KHDRBS2: variants seen among roughly 807,000 people sequenced by gnomAD.
KHDRBS2 encodes KH RNA binding domain containing, signal transduction associated 2, also known as KH domain-containing, RNA-binding, signal transduction-associated protein 2.
Under a neutral mutation model 44.3 loss-of-function variants are expected in KHDRBS2, and 26 were observed. That is an observed-to-expected ratio of 0.59 (90% CI 0.43 to 0.81). The LOEUF (loss-of-function observed/expected upper bound fraction) is 0.81, where lower values mean the gene tolerates loss of function less well. KHDRBS2 is among the 40% of genes least tolerant of loss of function. The pLI is 0.00. For missense variants in KHDRBS2, 476 were observed against 433.1 expected (o/e 1.10, Z -0.88); for synonymous variants, 194 against 151.1 (o/e 1.28, Z -2.08).
At chr6:62,255,941 G>A (rs570322783) in intron 1 of KHDRBS2, among the ~76,000 whole-genome samples, 20 of 151,828 alleles carry the variant, frequency 1.3e-4, no homozygotes, top group African/African-American at 4.8e-4. Flanking sequence ...ACACCAGCCT[G>A]GCCAACATGA....
intron 2 of KHDRBS2, among the ~76,000 whole-genome samples, chr6:62,156,076 A>C (rs1005457966): frequency 6.6e-6 from 1 of 152,178 alleles, no homozygotes; most frequent in Non-Finnish European, 1.5e-5. Context: ...TACATTTTCC[A>C]GGGTGTAGTC....
intron 4 of KHDRBS2, among the ~76,000 whole-genome samples, chr6:61,912,377 T>C (rs1178890894): frequency 6.6e-6 from 1 of 152,200 alleles, no homozygotes; most frequent in Non-Finnish European, 1.5e-5. Flanking sequence ...CTTGCTTCCA[T>C]TGGTTCTGCC....
chr6:61,703,354 A>G (rs1358878206), intron 7 of KHDRBS2, among the ~76,000 whole-genome samples: 2 of 151,836 alleles, frequency 1.3e-5, no homozygotes, highest in Non-Finnish European at 1.5e-5. Context: ...ACATGGTGAA[A>G]TGGTTACTAT....
At chr6:61,598,375 G>T in the KHDRBS2 span, among the ~76,000 whole-genome samples, 4 of 144,806 alleles carry the variant, frequency 2.8e-5, no homozygotes, top group African/African-American at 4.9e-5. Context: ...GACCATTCCC[G>T]ATGACAGCTC....
At chr6:61,677,074 C>T (rs750225941), downstream of KHDRBS2, among the ~76,000 whole-genome samples, 1 of 151,870 alleles carries the variant, frequency 6.6e-6, no homozygotes, top group Non-Finnish European at 1.5e-5. Flanking sequence ...TTGTTCAACA[C>T]TAATTTTTCT....
chr6:61,724,670 A>C (rs1451702513), intron 7 of KHDRBS2, among the ~76,000 whole-genome samples: 1 of 152,186 alleles, frequency 6.6e-6, no homozygotes, highest in Non-Finnish European at 1.5e-5. Context: ...CTAGTTTGTG[A>C]CAAAATAGAC....
rs1356030264 is a variant in KHDRBS2, at chr6:61,705,578, C to A, written c.894-8325G>T. On this transcript the variant is annotated intron_variant, in intron 7 of 8. Coordinates refer to ENST00000281156, the MANE Select transcript of KHDRBS2 (RefSeq NM_152688.4). ...AATTCATCCAGTCCATAATATGCAT[C>A]CAAAATAGTCACTCTCATTTGTATT... 2.0e-5 allele frequency among the ~76,000 whole-genome samples: 3 copies of A among 151,758 alleles called. No individual in the cohort carries two copies. In the East Asian group the frequency reaches 5.8e-4, roughly 30 times the overall value.
the KHDRBS2 span, among the ~76,000 whole-genome samples, chr6:61,654,857 G>T: frequency 1.3e-5 from 2 of 151,612 alleles, no homozygotes; most frequent in Admixed American, 6.6e-5. Context: ...GTGGGGAAAA[G>T]ATACAGCTGC....
chr6:61,762,551 C>G (rs1323252795), intron 6 of KHDRBS2, among the ~76,000 whole-genome samples: 1 of 152,148 alleles, frequency 6.6e-6, no homozygotes, highest in Non-Finnish European at 1.5e-5. Context: ...CCTCTCCTCT[C>G]TCTTGTCTAT....
At chr6:61,862,409 G>A (rs978293367) in intron 6 of KHDRBS2, among the ~76,000 whole-genome samples, 2 of 152,114 alleles carry the variant, frequency 1.3e-5, no homozygotes, top group African/African-American at 4.8e-5. Flanking sequence ...TTTTCAAGAG[G>A]AATGCTGCCA....
intron 1 of KHDRBS2, among the ~76,000 whole-genome samples, chr6:62,246,718 T>C (rs900715116): frequency 7.9e-5 from 12 of 152,036 alleles, no homozygotes; most frequent in Admixed American, 1.3e-4. Context: ...CATATTTTAG[T>C]GATTTCTGAT....
intron 1 of KHDRBS2, among the ~76,000 whole-genome samples, chr6:62,245,246 G>A (rs572566293): frequency 6.6e-6 from 1 of 152,130 alleles, no homozygotes; most frequent in South Asian, 2.1e-4. Context: ...ATTTTTGGTT[G>A]TCTTTCCAGT....
intron 8 of KHDRBS2, among the ~76,000 whole-genome samples, chr6:61,684,253 C>T (rs1177810828): frequency 6.6e-6 from 1 of 151,844 alleles, no homozygotes; most frequent in Admixed American, 6.6e-5. Flanking sequence ...TGGCCAAGCC[C>T]CTCATTGCTC....
In KHDRBS2 at chr6:61,733,893, G is replaced by A. The variant is rs113485490; in HGVS notation, c.811-1129C>T. Among the ~76,000 whole-genome samples, 523 of 151,758 alleles carry A rather than the reference G, an allele frequency of 3.4e-3. 6 individuals are homozygous for A. The highest frequency in any genetic ancestry group is 0.012 in the African/African-American group (479 of 41,478). ...CAGGTTTTCTGTGCCTGGTGCTGGC[G>A]CATCTCTTTCCCTGGAATACACTTC... On this transcript the variant is annotated intron_variant, in intron 6 of 8. Coordinates refer to ENST00000281156, the MANE Select transcript of KHDRBS2 (RefSeq NM_152688.4).
At chr6:62,103,788 C>G (rs1200422810) in intron 2 of KHDRBS2, among the ~76,000 whole-genome samples, 1 of 152,132 alleles carries the variant, frequency 6.6e-6, no homozygotes, top group East Asian at 1.9e-4. Context: ...CAGCAGTTTT[C>G]TCATCAGAAA....
chr6:62,143,999 T>C (rs905725376), intron 2 of KHDRBS2, among the ~76,000 whole-genome samples: 12 of 151,930 alleles, frequency 7.9e-5, no homozygotes, highest in African/African-American at 1.9e-4. Context: ...GCCCACTCTC[T>C]ATCTCATCTA....
chr6:62,006,168 G>C (rs140218246), intron 3 of KHDRBS2, among the ~76,000 whole-genome samples: 1 of 151,990 alleles, frequency 6.6e-6, no homozygotes, highest in South Asian at 2.1e-4. Flanking sequence ...TAATACAACT[G>C]TAAAACAGCA....
the KHDRBS2 span, among the ~76,000 whole-genome samples, chr6:61,573,615 C>A: frequency 2.0e-5 from 3 of 152,052 alleles, no homozygotes; most frequent in African/African-American, 7.2e-5. Context: ...CATGGAGAAA[C>A]CCTGTCTCTA....
At chr6:61,999,949 C>T (rs1171051840) in intron 3 of KHDRBS2, among the ~76,000 whole-genome samples, 1 of 152,142 alleles carries the variant, frequency 6.6e-6, no homozygotes, top group African/African-American at 2.4e-5. Flanking sequence ...TATTTTCCCA[C>T]TACTATAATA....
Sources: allele counts gnomAD v4.1 joint callset (sites outside exome capture counted in the v4.1 genomes callset), GRCh38; gene constraint gnomAD v4.1.1; transcripts MANE v1.5; gene names NCBI Gene and HGNC (gene_info 2026-07-23, HGNC 2026-07-21).